Variants in SGCZ observed in about 807,000 individuals in gnomAD.
SGCZ encodes the protein sarcoglycan zeta.
In SGCZ, 40 loss-of-function variants were observed where a neutral mutation model predicts 41.3. The ratio of observed to expected loss-of-function variants is 0.97; its 90% CI spans 0.75 to 1.26. The LOEUF (loss-of-function observed/expected upper bound fraction) is 1.26, where lower values mean the gene tolerates loss of function less well. SGCZ is among the 50% of genes most tolerant of loss of function. The pLI is 0.00. For missense variants in SGCZ, 552 were observed against 369.8 expected (o/e 1.49, Z -4.04); for synonymous variants, 206 against 137.5 (o/e 1.50, Z -3.49).
intron 2 of SGCZ, among the ~76,000 whole-genome samples, chr8:14,543,261 T>A (rs750400146): frequency 6.6e-6 from 1 of 152,108 alleles, no homozygotes; most frequent in African/African-American, 2.4e-5. Flanking sequence ...TCTTTCAGAC[T>A]TTCTCTATTC....
At chr8:14,506,828 C>G (rs183773826) in intron 2 of SGCZ, among the ~76,000 whole-genome samples, 6 of 152,238 alleles carry the variant, frequency 3.9e-5, no homozygotes, top group Admixed American at 3.3e-4. Flanking sequence ...TCAGGCAGCC[C>G]ACATTCTCTT....
At chr8:14,138,026 C>T (rs1456510286) in intron 5 of SGCZ, among the ~76,000 whole-genome samples, 1 of 152,170 alleles carries the variant, frequency 6.6e-6, no homozygotes, top group African/African-American at 2.4e-5. Context: ...GGCCAATATG[C>T]AACATTCTTA....
At chr8:14,712,850 A>C (rs775223372) in intron 1 of SGCZ, among the ~76,000 whole-genome samples, 1 of 151,918 alleles carries the variant, frequency 6.6e-6, no homozygotes, top group East Asian at 1.9e-4. Flanking sequence ...TGGGTTTTCT[A>C]TTGTGTTGCC....
chr8:14,329,669 C>T (rs1387249058), intron 2 of SGCZ, among the ~76,000 whole-genome samples: 2 of 152,090 alleles, frequency 1.3e-5, no homozygotes, highest in Non-Finnish European at 2.9e-5. Flanking sequence ...ACTATGCTTT[C>T]TAAATAATCC....
intron 1 of SGCZ, chr8:14,690,440 GGAT>G: frequency 6.6e-6 from 1 of 152,246 alleles, no homozygotes; most frequent in African/African-American, 2.4e-5. Context: ...TCAAGCTAAA[GGAT>G]GATGAGATGC....
intron 1 of SGCZ, among the ~76,000 whole-genome samples, chr8:15,010,677 G>A (rs902208599): frequency 6.6e-6 from 1 of 152,166 alleles, no homozygotes; most frequent in Non-Finnish European, 1.5e-5. Context: ...CAGGAAGCCA[G>A]ATGAAGAAAG....
intron 2 of SGCZ, among the ~76,000 whole-genome samples, chr8:14,364,269 A>G (rs1458267558): frequency 1.3e-5 from 2 of 152,148 alleles, no homozygotes; most frequent in African/African-American, 2.4e-5. Context: ...TTATTTCTAT[A>G]TTTACCTGTT....
At chr8:14,471,007 C>A (rs1801199778) in intron 2 of SGCZ, among the ~76,000 whole-genome samples, 1 of 152,112 alleles carries the variant, frequency 6.6e-6, no homozygotes, top group African/African-American at 2.4e-5. Context: ...TGAAGGAGTG[C>A]CATCAAGAAA....
At chr8:14,205,727 A>G (rs1805594074) in intron 4 of SGCZ, among the ~76,000 whole-genome samples, 1 of 152,130 alleles carries the variant, frequency 6.6e-6, no homozygotes, top group Non-Finnish European at 1.5e-5. Context: ...ACACCAGCTT[A>G]ATGTGGTTGA....
intron 1 of SGCZ, among the ~76,000 whole-genome samples, chr8:15,161,172 AC>A (rs1204213022): frequency 2.6e-5 from 4 of 151,488 alleles, no homozygotes; most frequent in Middle Eastern, 6.8e-3. Context: ...ACCCCATTGA[AC>A]TCTCTTCTGT....
At chr8:15,084,780 A>T (rs1257213542) in intron 1 of SGCZ, among the ~76,000 whole-genome samples, 1 of 152,116 alleles carries the variant, frequency 6.6e-6, no homozygotes, top group Non-Finnish European at 1.5e-5. Context: ...AAGAAAGAAA[A>T]GAAATCAGGA....
chr8:14,826,401 C>T (rs1486623317), intron 1 of SGCZ, among the ~76,000 whole-genome samples: 1 of 152,116 alleles, frequency 6.6e-6, no homozygotes, highest in African/African-American at 2.4e-5. Flanking sequence ...CATACATGTG[C>T]ATGTGTCTTT....
chr8:14,998,102 G>A (rs150586614), intron 1 of SGCZ, among the ~76,000 whole-genome samples: 39 of 152,256 alleles, frequency 2.6e-4, no homozygotes, highest in East Asian at 5.8e-4. Context: ...AAAGTACTGC[G>A]TCTTTTTCAA....
At chr8:14,908,758 A>AG (rs1401491157) in intron 1 of SGCZ, among the ~76,000 whole-genome samples, 2 of 151,596 alleles carry the variant, frequency 1.3e-5, no homozygotes, top group Admixed American at 6.6e-5. Flanking sequence ...AAAAAAAAAA[A>AG]AAAAAGAGAG....
intron 3 of SGCZ, among the ~76,000 whole-genome samples, chr8:14,299,573 G>T (rs962173281): frequency 6.6e-6 from 1 of 151,886 alleles, no homozygotes; most frequent in Non-Finnish European, 1.5e-5. Flanking sequence ...AACATCATTT[G>T]CCATCAGGGA....
At chr8:14,925,116 C>T (rs1007353009) in intron 1 of SGCZ, among the ~76,000 whole-genome samples, 2 of 152,130 alleles carry the variant, frequency 1.3e-5, no homozygotes, top group African/African-American at 4.8e-5. Context: ...CCTCACCCTC[C>T]CAAAGTGCTG....
chr8:14,752,132 C>CAAAAAAAAAAAAAAAAAAAAAACAA (rs56243371), intron 1 of SGCZ, among the ~76,000 whole-genome samples: 2 of 117,792 alleles, frequency 1.7e-5, no homozygotes, highest in African/African-American at 3.3e-5. Flanking sequence ...ACAAAAAAGC[C>CAAAAAAAAAAAAAAAAAAAAAACAA]AAAAAAAAAA....
chr8:14,947,378 T>C (rs573078661), intron 1 of SGCZ, among the ~76,000 whole-genome samples: 26 of 152,288 alleles, frequency 1.7e-4, no homozygotes, highest in Non-Finnish European at 3.1e-4. Flanking sequence ...CCAGAGAACA[T>C]TGATTGGATC....
chr8:14,244,237 C>T (rs1417451790), intron 3 of SGCZ, among the ~76,000 whole-genome samples: 1 of 151,628 alleles, frequency 6.6e-6, no homozygotes. Flanking sequence ...CCTTCTCTTC[C>T]TTCTTCCTCC....
Sources: allele counts gnomAD v4.1 joint callset (sites outside exome capture counted in the v4.1 genomes callset), GRCh38; gene constraint gnomAD v4.1.1; transcripts MANE v1.5; gene names NCBI Gene and HGNC (gene_info 2026-07-23, HGNC 2026-07-21).